COL18A1: variants seen among roughly 807,000 people sequenced by gnomAD.
The protein encoded by COL18A1 is collagen type XVIII alpha 1 chain, also known as collagen alpha-1(XVIII) chain.
COL18A1 carries 133 observed loss-of-function variants against 168.0 expected under a neutral mutation model. The observed-to-expected ratio is 0.79, with a 90% CI of 0.69 to 0.91. COL18A1 has a LOEUF of 0.91. Ranked by LOEUF, COL18A1 falls within the 40% of genes least tolerant of loss-of-function variation. COL18A1 has a pLI of 0.00. For synonymous variants in COL18A1, 949 were observed against 809.0 expected, an observed-to-expected ratio of 1.17 and a Z score of -2.94; for missense variants, 2,126 against 1,925.4, an observed-to-expected ratio of 1.10 and a Z score of -1.95.
At position 45,513,701 on chromosome 21, in the gene COL18A1, A is replaced by G. The variant is rs1568961029; in HGVS notation, c.*1303A>G. ...TGAAGCCAATTCAGACAGGCAAATA[A>G]AAGTGACCTTTTACACTGACTCTTG... On this transcript the variant is annotated 3_prime_UTR_variant, in exon 42 of 42. Coordinates refer to ENST00000651438, the MANE Select transcript of COL18A1 (RefSeq NM_001379500.1). 1 of 152,244 alleles carries G rather than the reference A, an allele frequency of 6.6e-6. No homozygotes were observed. Among genetic ancestry groups the G allele is most frequent in the Non-Finnish European group, 1.5e-5 (1 of 68,038 alleles). 9.4% of individuals were successfully genotyped at this position (152,244 alleles called of 1,614,324 possible).
intron 2 of COL18A1, among the ~76,000 whole-genome samples, chr21:45,448,226 C>T (rs2034543786): frequency 6.6e-6 from 1 of 152,216 alleles, no homozygotes; most frequent in Admixed American, 6.5e-5. Context: ...CCATTCGACT[C>T]ACAAGCAAAC....
Position 45,487,526 on chromosome 21 carries a change from G to T in COL18A1, c.1896+17G>T. On this transcript the variant is annotated intron_variant, in intron 17 of 41. Transcript: ENST00000651438. ...GGGCCACAGGTAGTGTTGTGAGCTG[G>T]GCGTGGCCGGCTCTGAGGGGTAAGG... 6.2e-7 allele frequency: 1 copy of T among 1,612,280 alleles called. No homozygotes were observed. The highest frequency in any genetic ancestry group is 1.1e-5 in the South Asian group (1 of 91,084).
intron 39 of COL18A1, 78 bp from the exon 40 acceptor site, chr21:45,509,986 G>A (rs1048490839): frequency 1.8e-5 from 27 of 1,480,898 alleles, no homozygotes; most frequent in East Asian, 2.5e-5. Context: ...ACAGGTGCGG[G>A]GCCGGGGTGG....
chr21:45,429,787 C>A (rs2033902910), intron 2 of COL18A1, among the ~76,000 whole-genome samples: 1 of 152,202 alleles, frequency 6.6e-6, no homozygotes, highest in Non-Finnish European at 1.5e-5. Context: ...CCTCTGGGCC[C>A]ATGTGCACGG....
chr21:45,438,979 C>G (rs1181241995), intron 2 of COL18A1, among the ~76,000 whole-genome samples: 1 of 152,116 alleles, frequency 6.6e-6, no homozygotes, highest in Non-Finnish European at 1.5e-5. Flanking sequence ...AGCCACAGGA[C>G]GTGCTTAGGG....
In COL18A1 at chr21:45,477,472, G is replaced by A. The variant is rs1229287348; in HGVS notation, c.990G>A (p.Gly330=). The A allele has an allele frequency of 6.2e-7, 1 of 1,611,274 alleles. No homozygotes were observed. The highest frequency in any genetic ancestry group is 2.2e-5 in the East Asian group (1 of 44,758). Residue 330 remains glycine (G), a synonymous_variant, in exon 7 of 42, where the codon GGG becomes GGA. Coordinates refer to ENST00000651438, the MANE Select transcript of COL18A1 (RefSeq NM_001379500.1). The part of the protein sequence containing the change: ...STWDGSVRTP[G]GRVKEGGLKG... ...GGGACGGGAGTGTCCGGACCCCTGG[G>A]GGCCGCGTGAAAGAGGTAAGGCCAC... is the stretch of plus-strand genomic sequence containing the variant.
intron 25 of COL18A1, 99 bp downstream of exon 25, chr21:45,493,324 G>A (rs1249609674): frequency 1.1e-5 from 16 of 1,397,064 alleles, no homozygotes; most frequent in South Asian, 2.5e-5. Flanking sequence ...GGGACCCCCC[G>A]GCTGCTGCTG....
intron 2 of COL18A1, among the ~76,000 whole-genome samples, chr21:45,430,212 C>G (rs572813431): frequency 2.6e-5 from 4 of 151,384 alleles, no homozygotes; most frequent in Admixed American, 1.3e-4. Flanking sequence ...TTCTAGCACC[C>G]TCTCGCCCTC....
At chr21:45,432,915 A>G (rs947182121) in intron 2 of COL18A1, among the ~76,000 whole-genome samples, 2 of 152,148 alleles carry the variant, frequency 1.3e-5, no homozygotes, top group African/African-American at 4.8e-5. Flanking sequence ...GCCTGTGCCA[A>G]CCCCTCCGGC....
Position 45,405,429 on chromosome 21 carries a change from C to A in COL18A1, c.62C>A (p.Pro21His). 7.3e-7 allele frequency: 1 copy of A among 1,373,246 alleles called. No individual in the cohort carries two copies. The highest frequency in any genetic ancestry group is 9.5e-7 in the Non-Finnish European group (1 of 1,055,520). 85.1% of individuals were successfully genotyped at this position (1,373,246 alleles called of 1,614,324 possible). The part of the protein sequence containing the change: ...RRRRLLDVLA[P>H]LVLLLGVRAA... ...CGGCGCCTCCTGGACGTGCTCGCGCCCCTGGTCCTGCTGCTCGGGGTCCGC... is the reference window on the plus strand; with the variant it reads ...CGGCGCCTCCTGGACGTGCTCGCGCACCTGGTCCTGCTGCTCGGGGTCCGC... Residue 21 changes from proline to histidine, a missense_variant, in exon 2 of 42, where the codon CCC (proline) becomes CAC (histidine). Coordinates refer to ENST00000651438, the MANE Select transcript of COL18A1 (RefSeq NM_001379500.1).
At position 45,498,676 on chromosome 21, in the gene COL18A1, G is replaced by A. The variant is rs2036634016; in HGVS notation, c.2683+1015G>A. 1 of 673,622 alleles carries A rather than the reference G, an allele frequency of 1.5e-6. No individual in the cohort carries two copies. The highest frequency in any genetic ancestry group is 2.8e-6 in the Non-Finnish European group (1 of 362,970). The allele number at this position is 673,622 out of a possible 1,614,324, so 41.7% of individuals were successfully genotyped here. A position where few individuals can be genotyped will look rare whatever the true frequency, so the allele number is the denominator to read the frequency against. ...TGGAAGATGTGCCCATGCCAGCCTTGGATCTCTCAGCGTCACACACGACGC... is the reference window on the plus strand; with the variant it reads ...TGGAAGATGTGCCCATGCCAGCCTTAGATCTCTCAGCGTCACACACGACGC... On this transcript the variant is annotated intron_variant, in intron 32 of 41. Transcript: ENST00000651438. The surrounding 1 kb of genome is among the most constrained non-coding windows in gnomAD (Gnocchi z 4.5).
intron 32 of COL18A1, among the ~76,000 whole-genome samples, chr21:45,499,975 T>C (rs1283911826): frequency 6.6e-6 from 1 of 152,174 alleles, no homozygotes; most frequent in Non-Finnish European, 1.5e-5. Flanking sequence ...GGACAGACAT[T>C]GTCAATGGGA....
intron 32 of COL18A1, among the ~76,000 whole-genome samples, chr21:45,503,134 A>C (rs1377045280): frequency 6.6e-6 from 1 of 152,222 alleles, no homozygotes; most frequent in African/African-American, 2.4e-5. Flanking sequence ...TAGATCCCTG[A>C]GGAATCGCCA....
chr21:45,476,240 A>G, intron 5 of COL18A1, 111 bp from the exon 6 acceptor site: 2 of 1,507,138 alleles, frequency 1.3e-6, no homozygotes, highest in East Asian at 4.8e-5. Flanking sequence ...GTTTCAGAGG[A>G]TTTTTCTTTA....
At chr21:45,497,557 C>G (rs1461811927) in intron 31 of COL18A1, 42 bp from the exon 32 acceptor site, 39 of 1,550,850 alleles carry the variant, frequency 2.5e-5, no homozygotes, top group Non-Finnish European at 3.3e-5. Context: ...TGGAGTCCTC[C>G]CTGGCACATT....
At chr21:45,497,503 G>T in intron 31 of COL18A1, 96 bp from the exon 32 acceptor site, 1 of 1,478,528 alleles carries the variant, frequency 6.8e-7, no homozygotes, top group Non-Finnish European at 9.2e-7. Context: ...CCCCCATCCA[G>T]GCCCCCAGGC....
chr21:45,509,161 C>T lies in COL18A1; in HGVS notation c.3250-195C>T, dbSNP rs536500746. Among the ~76,000 whole-genome samples the T allele has an allele frequency of 2.9e-4, 44 of 152,168 alleles. No individual in the cohort carries two copies. The East Asian group carries it at 7.3e-3, about 25-fold the overall frequency. On this transcript the variant is annotated intron_variant, in intron 38 of 41. Coordinates refer to ENST00000651438, the MANE Select transcript of COL18A1 (RefSeq NM_001379500.1). The stretch of plus-strand genomic sequence containing the variant: ...GCCTGAGCAGAGGTGACCCGCGATC[C>T]GGCGCCACGGCAGGCAGGACTCCCC...
In COL18A1 at chr21:45,443,007, G is replaced by A. The variant is rs111916744; in HGVS notation, c.107-25235G>A. 1.4e-5 allele frequency among the ~76,000 whole-genome samples: 2 copies of A among 142,686 alleles called. No individual in the cohort carries two copies. Among genetic ancestry groups the A allele is most frequent in the African/African-American group, 2.7e-5 (1 of 36,650 alleles). 93.6% of individuals were successfully genotyped at this position (142,686 alleles called of 152,430 possible). ...TGGCGGTGCTGGTGTGGGCGGCGGT[G>A]CTGATGTGGGTGGTGGTGGTGCTGA... On this transcript the variant is annotated intron_variant, in intron 2 of 41. Coordinates refer to ENST00000651438, the MANE Select transcript of COL18A1 (RefSeq NM_001379500.1). The surrounding 1 kb of genome is among the most constrained non-coding windows in gnomAD (Gnocchi z 5.2).
Position 45,490,308 on chromosome 21 carries a change from C to G in COL18A1, c.1993C>G (p.Pro665Ala). The change falls in exon 20 of 42, where the codon CCC becomes GCC. Residue 665 changes from proline (P) to alanine (A), a missense_variant. By Grantham distance (27) the Pro-to-Ala change is conservative. Coordinates refer to ENST00000651438, the MANE Select transcript of COL18A1 (RefSeq NM_001379500.1). ...TGGAGCAGATGGAGTCCCCGGGTTCCCCGGCCTCCCTGGCAGAGAGGGCAT... is the reference window on the plus strand; with the variant it reads ...TGGAGCAGATGGAGTCCCCGGGTTCGCCGGCCTCCCTGGCAGAGAGGGCAT... Reference protein sequence around the residue: ...EVGADGVPGFPGLPGREGIAG... With the variant: ...EVGADGVPGFAGLPGREGIAG... 1 of 1,588,492 alleles carries G rather than the reference C, an allele frequency of 6.3e-7. No homozygotes were observed.
Sources: allele counts gnomAD v4.1 joint callset (sites outside exome capture counted in the v4.1 genomes callset), GRCh38; gene constraint gnomAD v4.1.1; non-coding constraint Gnocchi (gnomAD v3.1); transcripts MANE v1.5; gene names NCBI Gene and HGNC (gene_info 2026-07-23, HGNC 2026-07-21).